Variants in ROBO2 observed in about 807,000 individuals in gnomAD.
ROBO2 encodes the protein roundabout guidance receptor 2.
Under a neutral mutation model 160.8 loss-of-function variants are expected in ROBO2, and 53 were observed. The observed-to-expected ratio is 0.33, with a 90% CI of 0.26 to 0.41. The LOEUF is 0.41. Ranked by LOEUF, ROBO2 falls within the 10% of genes least tolerant of loss-of-function variation. The pLI, the probability that ROBO2 is intolerant of heterozygous loss-of-function variation, is 1.00. For synonymous variants in ROBO2, 664 were observed against 611.7 expected, an observed-to-expected ratio of 1.09 and a Z score of -1.26; for missense variants, 1,577 against 1,722.4, an observed-to-expected ratio of 0.92 and a Z score of 1.49.
At position 76,582,397 on chromosome 3, in the gene ROBO2, C is replaced by A. The variant is rs547927567; in HGVS notation, c.110-515617C>A. 3.9e-5 allele frequency among the ~76,000 whole-genome samples: 6 copies of A among 152,094 alleles called. No individual in the cohort carries two copies. The East Asian group carries it at 1.2e-3, about 29-fold the overall frequency. ...GGTTACACAGGAGAATTCAATTTTT[C>A]AAAAATGCTGTTTCTCTTTGTGAAA... On this transcript the variant is annotated intron_variant, in intron 2 of 26. Coordinates refer to the ROBO2 transcript ENST00000487694.
At chr3:76,030,781 A>T (rs938041205) in intron 2 of ROBO2, among the ~76,000 whole-genome samples, 17 of 152,166 alleles carry the variant, frequency 1.1e-4, no homozygotes. Flanking sequence ...CTTATAGTAT[A>T]GTTTGAAGTC....
intron 2 of ROBO2, among the ~76,000 whole-genome samples, chr3:76,593,407 C>G (rs762827260): frequency 1.3e-5 from 2 of 152,018 alleles, no homozygotes; most frequent in Non-Finnish European, 2.9e-5. Flanking sequence ...GAAATAGCTG[C>G]ATTTAAGGTG....
At chr3:75,937,499 C>T (rs1373572605) in exon 2 of ROBO2, 10 of 1,563,868 alleles carry the variant, frequency 6.4e-6, no homozygotes, top group Non-Finnish European at 8.6e-6. Flanking sequence ...ATGCAATGGC[C>T]AGAAGACATG....
At chr3:76,315,309 A>G (rs1356780867) in intron 2 of ROBO2, among the ~76,000 whole-genome samples, 1 of 152,228 alleles carries the variant, frequency 6.6e-6, no homozygotes, top group Non-Finnish European at 1.5e-5. Context: ...ATTATTTCAC[A>G]CAACAGCCAT....
chr3:76,841,385 C>G (rs1054204427), intron 2 of ROBO2, among the ~76,000 whole-genome samples: 1 of 152,178 alleles, frequency 6.6e-6, no homozygotes, highest in East Asian at 1.9e-4. Context: ...GCCAACACCA[C>G]AAACATAAAG....
chr3:76,732,403 CT>C (rs2093650653), intron 2 of ROBO2, among the ~76,000 whole-genome samples: 1 of 152,180 alleles, frequency 6.6e-6, no homozygotes, highest in East Asian at 1.9e-4. Flanking sequence ...GGAGGCTTAA[CT>C]AGGGAAGAAT....
intron 2 of ROBO2, among the ~76,000 whole-genome samples, chr3:77,208,274 A>G (rs549920504): frequency 3.9e-5 from 6 of 152,344 alleles, no homozygotes; most frequent in Admixed American, 3.3e-4. Flanking sequence ...TTTCATCTAT[A>G]AAACTACATT....
chr3:76,625,872 T>C (rs2109352492), intron 2 of ROBO2, among the ~76,000 whole-genome samples: 1 of 152,144 alleles, frequency 6.6e-6, no homozygotes, highest in Middle Eastern at 3.4e-3. Flanking sequence ...AAAATGTGAT[T>C]TTTTTTTCGA....
At chr3:76,769,066 A>G (rs2061732077) in intron 2 of ROBO2, among the ~76,000 whole-genome samples, 2 of 151,480 alleles carry the variant, frequency 1.3e-5, no homozygotes, top group South Asian at 2.1e-4. Flanking sequence ...CCAACTAAAT[A>G]TGATTTTTCA....
At chr3:76,527,661 A>G (rs2082019799) in intron 2 of ROBO2, among the ~76,000 whole-genome samples, 2 of 152,154 alleles carry the variant, frequency 1.3e-5, no homozygotes, top group Non-Finnish European at 2.9e-5. Context: ...TTAAAAAAAT[A>G]CCCACTGACA....
At chr3:76,526,204 G>T (rs995071715) in intron 2 of ROBO2, among the ~76,000 whole-genome samples, 27 of 152,054 alleles carry the variant, frequency 1.8e-4, no homozygotes. Context: ...TAAGGTTACA[G>T]AAGCATAGCG....
At chr3:76,758,715 C>T (rs1560510748) in intron 2 of ROBO2, among the ~76,000 whole-genome samples, 1 of 151,786 alleles carries the variant, frequency 6.6e-6, no homozygotes, top group Non-Finnish European at 1.5e-5. Flanking sequence ...TGATAGGAAT[C>T]TTAACACAAT....
At chr3:75,949,036 T>C (rs201685757) in intron 2 of ROBO2, among the ~76,000 whole-genome samples, 2 of 152,102 alleles carry the variant, frequency 1.3e-5, no homozygotes, top group Non-Finnish European at 1.5e-5. Context: ...TACACAAAGA[T>C]CATATTTTTA....
At chr3:75,917,625 A>G (rs534432062) in intron 1 of ROBO2, among the ~76,000 whole-genome samples, 105 of 152,320 alleles carry the variant, frequency 6.9e-4, no homozygotes, top group Non-Finnish European at 1.0e-3. Context: ...GTCTTCCACA[A>G]TGGTTGAACT....
In ROBO2 at chr3:77,305,794, A is replaced by AAAAATTT. The variant is rs2063048621; in HGVS notation, c.389-171616_389-171610dup. Reference sequence around the variant, plus strand: ...ACTTCTTTCATGGGACAATAGCACTAAAAATTTAAATTTATTCGACGTTCT... The same window carrying AAAAATTT: ...ACTTCTTTCATGGGACAATAGCACTAAAAATTTAAAATTTAAATTTATTCGACGTTCT... On this transcript the variant is annotated intron_variant, in intron 2 of 25. Transcript: ENST00000461745. 1.3e-5 allele frequency among the ~76,000 whole-genome samples: 2 copies of AAAAATTT among 152,216 alleles called. 1 individual carries two copies. Among genetic ancestry groups the AAAAATTT allele is most frequent in the South Asian group, 4.1e-4 (2 of 4,836 alleles).
intron 2 of ROBO2, among the ~76,000 whole-genome samples, chr3:75,985,367 G>T (rs2065387377): frequency 6.6e-6 from 1 of 151,540 alleles, no homozygotes; most frequent in African/African-American, 2.4e-5. Flanking sequence ...GATACATTCT[G>T]TCCATAGGTT....
chr3:77,182,062 A>T (rs2080844949), intron 2 of ROBO2, among the ~76,000 whole-genome samples: 1 of 152,062 alleles, frequency 6.6e-6, no homozygotes, highest in Admixed American at 6.6e-5. Flanking sequence ...ATTTCTTTGT[A>T]TACAGTTGTT....
intron 2 of ROBO2, among the ~76,000 whole-genome samples, chr3:77,288,446 T>C (rs2060771065): frequency 6.6e-6 from 1 of 152,182 alleles, no homozygotes; most frequent in Admixed American, 6.5e-5. Flanking sequence ...GAAAGGAGAC[T>C]CAAATCTTCA....
intron 16 of ROBO2, among the ~76,000 whole-genome samples, chr3:77,582,579 G>A (rs975330038): frequency 6.6e-6 from 1 of 152,038 alleles, no homozygotes; most frequent in African/African-American, 2.4e-5. Context: ...TTTTTTGGCT[G>A]CTCTTGGATT....
Sources: allele counts gnomAD v4.1 joint callset (sites outside exome capture counted in the v4.1 genomes callset), GRCh38; gene constraint gnomAD v4.1.1; transcripts MANE v1.5; gene names NCBI Gene and HGNC (gene_info 2026-07-23, HGNC 2026-07-21).